AMPH: variants seen among roughly 807,000 people sequenced by gnomAD.
The protein encoded by AMPH is amphiphysin (Stiff-Mann syndrome with breast cancer 128kD autoantigen).
Under a neutral mutation model 99.1 loss-of-function variants are expected in AMPH, and 49 were observed. The observed-to-expected ratio is 0.49, with a 90% CI of 0.39 to 0.63. The LOEUF is 0.63. Among genes scored for constraint, AMPH ranks in the 20% least tolerant of loss-of-function variants. The pLI is 0.00. For missense variants in AMPH, 759 were observed against 863.4 expected (o/e 0.88, Z 1.52); for synonymous variants, 314 against 317.3 (o/e 0.99, Z 0.11).
intron 14 of AMPH, chr7:38,428,455 G>T (rs1044620476): frequency 2.2e-6 from 1 of 456,678 alleles, no homozygotes; most frequent in Admixed American, 2.3e-5. Flanking sequence ...TCTACTTCAA[G>T]TTTTATTGAT....
intron 7 of AMPH, among the ~76,000 whole-genome samples, chr7:38,470,193 A>G (rs1787828109): frequency 6.6e-6 from 1 of 152,200 alleles, no homozygotes; most frequent in South Asian, 2.1e-4. Flanking sequence ...CAACTATGCC[A>G]TCTTCTCAAA....
At chr7:38,424,073 C>T (rs1785692431) in intron 15 of AMPH, among the ~76,000 whole-genome samples, 1 of 152,150 alleles carries the variant, frequency 6.6e-6, no homozygotes, top group Non-Finnish European at 1.5e-5. Context: ...ACTTCACAGA[C>T]AGGAGACAAA....
chr7:38,503,575 C>T (rs773081818), intron 3 of AMPH, 75 bp downstream of exon 3: 93 of 1,476,702 alleles, frequency 6.3e-5, no homozygotes, highest in Non-Finnish European at 8.6e-5. Flanking sequence ...GTAATTAACA[C>T]TCAATCCTGT....
intron 1 of AMPH, among the ~76,000 whole-genome samples, chr7:38,610,959 ACT>A (rs1793662018): frequency 6.6e-6 from 1 of 152,122 alleles, no homozygotes; most frequent in Non-Finnish European, 1.5e-5. Flanking sequence ...CAGCAATCCC[ACT>A]CTGGGTATTT....
intron 5 of AMPH, among the ~76,000 whole-genome samples, chr7:38,477,174 T>C (rs1788119172): frequency 2.0e-5 from 3 of 151,804 alleles, no homozygotes; most frequent in Admixed American, 2.0e-4. Flanking sequence ...ATTAGATAAA[T>C]ATCTTCCCTT....
chr7:38,502,062 C>T (rs557891004), intron 3 of AMPH, among the ~76,000 whole-genome samples: 16 of 152,264 alleles, frequency 1.1e-4, no homozygotes, highest in African/African-American at 2.9e-4. Flanking sequence ...GTTTTCTGCC[C>T]ATTTTTAATT....
chr7:38,461,721 C>T (rs888238543), intron 10 of AMPH, among the ~76,000 whole-genome samples: 2 of 152,148 alleles, frequency 1.3e-5, no homozygotes, highest in Admixed American at 6.5e-5. Context: ...TAGGGCAATA[C>T]CCTCTTCTGA....
chr7:38,394,016 T>A lies in AMPH; in HGVS notation c.1597A>T (p.Thr533Ser), dbSNP rs372103091. The A allele has an allele frequency of 2.6e-5, 42 of 1,614,096 alleles. No homozygotes were observed. The highest frequency in any genetic ancestry group is 3.6e-5 in the Non-Finnish European group (42 of 1,180,036). Residue 533 changes from threonine to serine, a missense_variant, in exon 18 of 21, where the codon ACA (threonine) becomes TCA (serine). Physicochemically the swap from Thr to Ser is moderately conservative, Grantham distance 58. Coordinates refer to ENST00000356264, the MANE Select transcript of AMPH (RefSeq NM_001635.4). ...AQPEAEELEA[T>S]VPQEKVIPSV... is the part of the protein sequence containing the mutation. The stretch of plus-strand genomic sequence containing the variant: ...CATGGGACACTCACCTGAGGCACTG[T>A]TGCTTCGAGCTCCTCTGCTTCAGGT...
At chr7:38,601,686 G>A (rs1197700566) in intron 1 of AMPH, among the ~76,000 whole-genome samples, 4 of 152,150 alleles carry the variant, frequency 2.6e-5, no homozygotes, top group Admixed American at 2.6e-4. Context: ...GGAAAGACTA[G>A]GACCTCAAAA....
At chr7:38,474,949 A>C (rs1404404737) in intron 7 of AMPH, among the ~76,000 whole-genome samples, 1 of 152,146 alleles carries the variant, frequency 6.6e-6, no homozygotes, top group Non-Finnish European at 1.5e-5. Context: ...AAAGGATATT[A>C]TTGTTAAGTT....
intron 11 of AMPH, among the ~76,000 whole-genome samples, chr7:38,444,906 A>G (rs1294613416): frequency 2.6e-5 from 4 of 151,620 alleles, no homozygotes; most frequent in African/African-American, 9.7e-5. Context: ...AATGACAATA[A>G]TCAATATAGC....
intron 17 of AMPH, among the ~76,000 whole-genome samples, chr7:38,415,779 T>C (rs1383129552): frequency 6.6e-6 from 1 of 152,060 alleles, no homozygotes; most frequent in East Asian, 1.9e-4. Flanking sequence ...GAAATGAACT[T>C]GAATTTTTTC....
chr7:38,447,019 T>C (rs985180563), intron 11 of AMPH, among the ~76,000 whole-genome samples: 1 of 150,338 alleles, frequency 6.7e-6, no homozygotes, highest in Non-Finnish European at 1.5e-5. Context: ...GGTTACTATT[T>C]TTTTTTTTTG....
chr7:38,463,282 G>A, intron 9 of AMPH, 169 bp from the exon 10 acceptor site: 1 of 866,294 alleles, frequency 1.2e-6, no homozygotes, highest in South Asian at 1.4e-5. Flanking sequence ...GTGATAACTG[G>A]TACCATTTAT....
At chr7:38,507,647 G>A (rs1789377537) in intron 2 of AMPH, among the ~76,000 whole-genome samples, 1 of 152,192 alleles carries the variant, frequency 6.6e-6, no homozygotes, top group Non-Finnish European at 1.5e-5. Context: ...CCTTTGTAAA[G>A]TATCATTTTA....
intron 2 of AMPH, among the ~76,000 whole-genome samples, chr7:38,524,477 T>A (rs996900631): frequency 3.9e-5 from 6 of 152,144 alleles, no homozygotes; most frequent in Non-Finnish European, 8.8e-5. Flanking sequence ...TAGGCAAAAT[T>A]TGGGGATCTG....
intron 15 of AMPH, among the ~76,000 whole-genome samples, chr7:38,425,256 C>T (rs150491893): frequency 1.2e-4 from 18 of 152,272 alleles, no homozygotes; most frequent in African/African-American, 4.3e-4. Context: ...GAGAACAGCT[C>T]TACAGCAAGT....
At chr7:38,432,369 C>A (rs149470734) in intron 12 of AMPH, among the ~76,000 whole-genome samples, 157 bp from the exon 13 acceptor site, 5 of 152,268 alleles carry the variant, frequency 3.3e-5, no homozygotes, top group Admixed American at 6.5e-5. Context: ...TGATCCATAT[C>A]TGTGCTTATC....
chr7:38,391,378 C>T (rs1186411958), intron 19 of AMPH, among the ~76,000 whole-genome samples: 1 of 152,124 alleles, frequency 6.6e-6, no homozygotes, highest in East Asian at 1.9e-4. Context: ...AGGATTGCTG[C>T]CCGACCCCCA....
Sources: gnomAD v4.1 joint callset for allele counts (sites outside exome capture counted in the v4.1 genomes callset) on GRCh38, gnomAD v4.1.1 for gene constraint, MANE v1.5 for transcripts, NCBI Gene and HGNC (gene_info 2026-07-23, HGNC 2026-07-21) for gene names.